The following DDX11 variants were observed in gnomAD, a reference collection of about 807,000 sequenced individuals.
The protein encoded by DDX11 is ATP-dependent DNA helicase DDX11.
In DDX11, 72 loss-of-function variants were observed where a neutral mutation model predicts 125.2. The ratio of observed to expected loss-of-function variants is 0.58; its 90% confidence interval spans 0.48 to 0.70. DDX11 has a LOEUF of 0.70. Ranked by LOEUF, DDX11 falls within the 30% of genes least tolerant of loss-of-function variation. DDX11 has a pLI of 0.00. For synonymous variants in DDX11, 347 were observed against 452.6 expected (o/e 0.77, Z 2.96); for missense variants, 883 against 1,165.0 (o/e 0.76, Z 3.52).
chr12:31,092,940 CT>C, intron 11 of DDX11, 48 bp downstream of exon 11: 1 of 1,609,558 alleles, frequency 6.2e-7, no homozygotes, highest in Non-Finnish European at 8.5e-7. Context: ...TGGTGGCCCC[CT>C]GCGTGGGCCT....
At chr12:31,094,493 C>T in intron 12 of DDX11, 97 bp from the exon 13 acceptor site, 16 of 1,526,338 alleles carry the variant, frequency 1.0e-5, no homozygotes, top group Non-Finnish European at 1.2e-5. Context: ...TACAGATGCT[C>T]TTCTTACTTG....
intron 9 of DDX11, 66 bp downstream of exon 9, chr12:31,090,160 TC>T (rs1943951970): frequency 1.4e-6 from 2 of 1,457,240 alleles, no homozygotes; most frequent in Non-Finnish European, 1.9e-6. Context: ...ATGAGGGGGG[TC>T]CTCATCACAC....
At position 31,083,328 on chromosome 12, in the gene DDX11, AAAC is replaced by A. The variant is rs1565854575; in HGVS notation, c.145-482_145-480del. ...TAGTTTGCTTAAAAAAAAAAAAACA[AAAC>A]AAAACACAAACCGTAAGCACTGGCG... On this transcript the variant is annotated intron_variant, in intron 2 of 26. Coordinates refer to ENST00000542838, the MANE Select transcript of DDX11 (RefSeq NM_030653.4). Among the ~76,000 whole-genome samples the A allele has an allele frequency of 6.6e-3, 970 of 147,218 alleles. 15 individuals are homozygous for A. The highest frequency in any genetic ancestry group is 0.022 in the African/African-American group (904 of 40,228).
Position 31,078,428 on chromosome 12 carries a change from A to C in DDX11, c.35A>C (p.His12Pro). The change falls in exon 2 of 27, where the codon CAT becomes CCT. Residue 12 changes from histidine (H) to proline (P), a missense_variant. His to Pro is a moderately conservative substitution (Grantham distance 77, BLOSUM62 -2). Transcript: ENST00000542838. ...GAAACACAGAAGGTTGGTGCCATCC[A>C]TTTTCCTTTTCCCTTCACACCCTAT... The part of the protein sequence containing the change: ...ANETQKVGAI[H>P]FPFPFTPYSI... 1 of 1,610,090 alleles carries C rather than the reference A, an allele frequency of 6.2e-7. No homozygotes were observed. The highest frequency in any genetic ancestry group is 8.5e-7 in the Non-Finnish European group (1 of 1,178,146).
chr12:31,098,340 G>A (rs1457893596), intron 18 of DDX11, among the ~76,000 whole-genome samples: 3 of 152,232 alleles, frequency 2.0e-5, no homozygotes, highest in Non-Finnish European at 4.4e-5. Context: ...GTCTTTGTAG[G>A]CGTAATTTTT....
At position 31,103,860 on chromosome 12, in the gene DDX11, C is replaced by T. The variant is rs755973389; in HGVS notation, c.*24C>T. On this transcript the variant is annotated 3_prime_UTR_variant, in exon 27 of 27. Transcript: ENST00000542838. ...GATGGGCAACCACACCACTGCCTGG[C>T]GCCGTGCCCTTCCTTTGTCCTGCCC... 7.4e-6 allele frequency: 12 copies of T among 1,613,992 alleles called. No homozygotes were observed. The highest frequency in any genetic ancestry group is 5.5e-5 in the South Asian group (5 of 91,076).
Position 31,103,355 on chromosome 12 carries a change from G to A in DDX11, c.2496G>A (p.Leu832=), listed in dbSNP as rs1455006807. The change falls in exon 25 of 27, where the codon CTG becomes CTA. Residue 832 remains leucine, a synonymous_variant. Transcript: ENST00000542838. ...APGQAPPGKA[L]VENLCMKAVN... ...GCCAGGCACCCCCAGGGAAGGCTCT[G>A]GTGGAGAACCTGTGCATGAAGGCCG... 1 of 1,611,106 alleles carries A rather than the reference G, an allele frequency of 6.2e-7. No individual in the cohort carries two copies. The highest frequency in any genetic ancestry group is 1.1e-5 in the South Asian group (1 of 90,628).
Position 31,091,577 on chromosome 12 carries a change from G to A in DDX11, c.1090-142G>A, listed in dbSNP as rs949399314. On this transcript the variant is annotated intron_variant, in intron 9 of 26. Coordinates refer to ENST00000542838, the MANE Select transcript of DDX11 (RefSeq NM_030653.4). ...TGTGAAACTCGAGGAGAGCTTGTCC[G>A]TTGCCACAAGCTGTTTTTCGAATGT... 54 of 842,716 alleles carry A rather than the reference G, an allele frequency of 6.4e-5. No homozygotes were observed. In the Admixed American group the frequency reaches 6.5e-4, roughly 10 times the overall value. The allele number at this position is 842,716 out of a possible 1,614,324, so 52.2% of individuals were successfully genotyped here. A position where few individuals can be genotyped will look rare whatever the true frequency, so the allele number is the denominator to read the frequency against.
Position 31,101,883 on chromosome 12 carries a change from A to AGG in DDX11, c.2106_2107dup (p.Val703GlyfsTer65), listed in dbSNP as rs753627714. On this transcript the variant is annotated frameshift_variant, in exon 21 of 27. Transcript: ENST00000542838. LOFTEE classifies it high-confidence loss of function. ...GTAACCTGTGCGGTGTGGTTCCTGG[A>AGG]GGGGTGGTCTGTTTCTTCCCCTCCT... The AGG allele has an allele frequency of 1.2e-6, 2 of 1,613,584 alleles. No individual in the cohort carries two copies. Among genetic ancestry groups the AGG allele is most frequent in the African/African-American group, 2.7e-5 (2 of 74,816 alleles).
intron 2 of DDX11, among the ~76,000 whole-genome samples, chr12:31,082,487 A>T (rs1942148997): frequency 6.6e-6 from 1 of 151,702 alleles, no homozygotes; most frequent in African/African-American, 2.4e-5. Flanking sequence ...TGAGACTCTG[A>T]CTCCTGCGCC....
chr12:31,089,193 C>T, intron 7 of DDX11, 42 bp downstream of exon 7: 1 of 1,559,648 alleles, frequency 6.4e-7, no homozygotes, highest in African/African-American at 1.4e-5. Context: ...CATCCTGCTC[C>T]TTTCGCCACA....
At chr12:31,094,674 G>A in intron 13 of DDX11, 40 bp downstream of exon 13, 3 of 1,550,106 alleles carry the variant, frequency 1.9e-6, no homozygotes, top group Non-Finnish European at 1.8e-6. Flanking sequence ...GCTGATCTGA[G>A]CCACTTCCGA....
At chr12:31,094,423 C>T (rs1944848726) in intron 12 of DDX11, 167 bp from the exon 13 acceptor site, 3 of 1,242,976 alleles carry the variant, frequency 2.4e-6, no homozygotes, top group Non-Finnish European at 3.4e-6. Context: ...GACCCACCTG[C>T]CCTCTCAGTG....
rs528908635 is a variant in DDX11, at chr12:31,083,010, A to G, written c.145-803A>G. Reference sequence around the variant, plus strand: ...CGTCCTAGTAGTCTCATCTTAACTAATTACATTTGCGACAGTCCTATTTCC... The same window carrying G: ...CGTCCTAGTAGTCTCATCTTAACTAGTTACATTTGCGACAGTCCTATTTCC... On this transcript the variant is annotated intron_variant, in intron 2 of 26. Coordinates refer to ENST00000542838, the MANE Select transcript of DDX11 (RefSeq NM_030653.4). Among the ~76,000 whole-genome samples the G allele has an allele frequency of 5.9e-5, 9 of 152,266 alleles. No homozygotes were observed. In the South Asian group the frequency reaches 1.9e-3, roughly 32 times the overall value.
chr12:31,099,080 C>CTTTTTTTTTTTTTTTTTTTTTTTTTTT lies in DDX11; in HGVS notation c.1875+1086_1875+1087insTTTTTTTTTTTTTTTTTTTTTTTTTTT, dbSNP rs1467965765. 7.4e-5 allele frequency among the ~76,000 whole-genome samples: 6 copies of CTTTTTTTTTTTTTTTTTTTTTTTTTTT among 81,320 alleles called. 1 individual carries two copies. The highest frequency in any genetic ancestry group is 3.0e-4 in the Admixed American group (2 of 6,666). The allele number at this position is 81,320 out of a possible 152,430, so 53.3% of individuals were successfully genotyped here. A position where few individuals can be genotyped will look rare whatever the true frequency, so the allele number is the denominator to read the frequency against. On this transcript the variant is annotated intron_variant, in intron 18 of 26. Coordinates refer to ENST00000542838, the MANE Select transcript of DDX11 (RefSeq NM_030653.4). ...AATCCATACTGGTATTTCTTTCTTT[C>CTTTTTTTTTTTTTTTTTTTTTTTTTTT]TTTCTTTTTTTTTTTTTTTTTTTTT...
intron 15 of DDX11, 34 bp from the exon 16 acceptor site, chr12:31,096,603 G>T (rs758855146): frequency 1.2e-6 from 2 of 1,610,770 alleles, no homozygotes; most frequent in South Asian, 1.1e-5. Flanking sequence ...GCTGTACCTC[G>T]TTCCTCTCCA....
At chr12:31,074,701 C>G (rs1290076183) in intron 1 of DDX11, among the ~76,000 whole-genome samples, 2 of 152,180 alleles carry the variant, frequency 1.3e-5, no homozygotes, top group Non-Finnish European at 2.9e-5. Context: ...GGTGGAGCAC[C>G]GCAGTACTGC....
chr12:31,083,312 T>TTAAAAAA (rs1555209754), intron 2 of DDX11, among the ~76,000 whole-genome samples: 1 of 128,940 alleles, frequency 7.8e-6, no homozygotes, highest in Non-Finnish European at 1.6e-5. Context: ...TTAGTTTGCT[T>TTAAAAAA]AAAAAAAAAA....
At chr12:31,089,532 A>T in intron 8 of DDX11, 42 bp downstream of exon 8, 1 of 1,581,552 alleles carries the variant, frequency 6.3e-7, no homozygotes, top group Non-Finnish European at 8.7e-7. Flanking sequence ...TGGTCTGGAG[A>T]GAGTGAGGCA....
Sources: allele counts gnomAD v4.1 joint callset (sites outside exome capture counted in the v4.1 genomes callset), GRCh38; gene constraint gnomAD v4.1.1; transcripts MANE v1.5; gene names NCBI Gene and HGNC (gene_info 2026-07-23, HGNC 2026-07-21).